SERPINB8: variants seen among roughly 807,000 people sequenced by gnomAD.
SERPINB8 encodes serpin family B member 8.
SERPINB8 carries 25 observed loss-of-function variants against 35.3 expected under a neutral mutation model. That is an observed-to-expected ratio of 0.71 (90% CI 0.52 to 0.99). The LOEUF is 0.99. Ranked by LOEUF, SERPINB8 falls within the 50% of genes least tolerant of loss-of-function variation. SERPINB8 has a pLI of 0.00. For synonymous variants in SERPINB8, 186 were observed against 160.8 expected (o/e 1.16, Z -1.19); for missense variants, 484 against 446.5 (o/e 1.08, Z -0.76).
chr18:64,005,989 T>A (rs960479752), downstream of SERPINB8, among the ~76,000 whole-genome samples: 4 of 152,206 alleles, frequency 2.6e-5, no homozygotes, highest in African/African-American at 9.6e-5. Context: ...AGATGCTATC[T>A]TCCTTGATGA....
At chr18:64,010,041 A>G (rs145222897), downstream of SERPINB8, among the ~76,000 whole-genome samples, 1 of 152,276 alleles carries the variant, frequency 6.6e-6, no homozygotes, top group African/African-American at 2.4e-5. Flanking sequence ...AACCATAAAA[A>G]GATAATTATC....
intron 4 of SERPINB8, among the ~76,000 whole-genome samples, chr18:63,982,767 T>C (rs2050692486): frequency 6.6e-6 from 1 of 152,154 alleles, no homozygotes; most frequent in African/African-American, 2.4e-5. Flanking sequence ...GTCACTGCTC[T>C]TCCAGGGCTG....
downstream of SERPINB8, among the ~76,000 whole-genome samples, chr18:63,991,323 AT>A (rs1347934585): frequency 6.6e-6 from 1 of 152,246 alleles, no homozygotes; most frequent in Non-Finnish European, 1.5e-5. Flanking sequence ...CATACTAGCA[AT>A]ATTGAGTCTT....
chr18:64,010,437 A>T (rs1241746876), downstream of SERPINB8, among the ~76,000 whole-genome samples: 1 of 152,184 alleles, frequency 6.6e-6, no homozygotes, highest in African/African-American at 2.4e-5. Context: ...ATGCAAAATC[A>T]TACTCATAGC....
At chr18:63,971,625 C>T (rs1269570008) in intron 1 of SERPINB8, among the ~76,000 whole-genome samples, 2 of 152,264 alleles carry the variant, frequency 1.3e-5, no homozygotes, top group East Asian at 3.8e-4. Context: ...TGCAGACAAT[C>T]CCTCTGCTTT....
Position 63,981,876 on chromosome 18 carries a change from T to C in SERPINB8, c.424+38T>C, listed in dbSNP as rs763031274. 3.9e-5 allele frequency: 56 copies of C among 1,434,720 alleles called. No homozygotes were observed. The East Asian group carries it at 5.7e-4, about 15-fold the overall frequency. 88.9% of individuals were successfully genotyped at this position (1,434,720 alleles called of 1,614,324 possible). A position where few individuals can be genotyped will look rare whatever the true frequency, so the allele number is the denominator to read the frequency against. ...CATTTCTGTTGATTTGGAATTACTA[T>C]ACAACGAGGCTTAGATTGACTGGGA... On this transcript the variant is annotated intron_variant, in intron 4 of 6. Coordinates refer to ENST00000397985, the MANE Select transcript of SERPINB8 (RefSeq NM_002640.4).
At chr18:63,979,999 C>T in intron 3 of SERPINB8, 61 bp downstream of exon 3, 1 of 1,533,582 alleles carries the variant, frequency 6.5e-7, no homozygotes, top group Non-Finnish European at 9.0e-7. Flanking sequence ...TACAGAAGAG[C>T]AGATAATAAA....
At chr18:64,003,620 A>C (rs1329168851) in intron 1 of SERPINB8, among the ~76,000 whole-genome samples, 1 of 151,906 alleles carries the variant, frequency 6.6e-6, no homozygotes, top group Non-Finnish European at 1.5e-5. Context: ...GATCTGCAGT[A>C]AGCAAGCTGG....
chr18:63,985,266 C>T, intron 6 of SERPINB8, 21 bp downstream of exon 6: 1 of 1,613,444 alleles, frequency 6.2e-7, no homozygotes, highest in Non-Finnish European at 8.5e-7. Context: ...GGCAATGAGC[C>T]TGAGTATCTG....
intron 1 of SERPINB8, among the ~76,000 whole-genome samples, chr18:63,999,199 T>G (rs891763610): frequency 6.6e-6 from 1 of 152,198 alleles, no homozygotes; most frequent in African/African-American, 2.4e-5. Flanking sequence ...TAGGCCTGAC[T>G]CAGGCAGCTG....
exon 8 of SERPINB8, chr18:64,018,927 T>G (rs1384033132): frequency 6.6e-6 from 1 of 152,030 alleles, no homozygotes; most frequent in Non-Finnish European, 1.5e-5. Context: ...GATTCTAACC[T>G]CCATTTATGA....
At chr18:64,018,304 C>T (rs2050959822) in intron 7 of SERPINB8, among the ~76,000 whole-genome samples, 1 of 152,126 alleles carries the variant, frequency 6.6e-6, no homozygotes, top group Non-Finnish European at 1.5e-5. Context: ...TAAAAAGCCT[C>T]AGTTATTGCA....
chr18:63,979,960 A>T lies in SERPINB8; in HGVS notation c.306+22A>T, dbSNP rs773686183. 13 of 1,611,636 alleles carry T rather than the reference A, an allele frequency of 8.1e-6. No homozygotes were observed. In the South Asian group the frequency reaches 1.1e-4, roughly 14 times the overall value. On this transcript the variant is annotated intron_variant, in intron 3 of 6. Coordinates refer to ENST00000397985, the MANE Select transcript of SERPINB8 (RefSeq NM_002640.4). ...TCCAGTAAGTAGTATTCACATATTG[A>T]TGACAAAGAAATTGAAAGTAAGTTA...
At chr18:63,972,014 T>C (rs923136858) in intron 1 of SERPINB8, among the ~76,000 whole-genome samples, 7 of 151,848 alleles carry the variant, frequency 4.6e-5, no homozygotes, top group Admixed American at 6.6e-5. Flanking sequence ...TTTTTTGATA[T>C]GTGGTTTTAA....
At chr18:63,994,809 A>T (rs1331869816) in intron 1 of SERPINB8, among the ~76,000 whole-genome samples, 1 of 152,122 alleles carries the variant, frequency 6.6e-6, no homozygotes, top group Admixed American at 6.5e-5. Context: ...AGATTTCAAG[A>T]ATTTTTATGC....
chr18:63,970,674 T>G (rs1213818048), intron 1 of SERPINB8: 1 of 152,404 alleles, frequency 6.6e-6, no homozygotes, highest in Non-Finnish European at 1.5e-5. Flanking sequence ...GCCTGGAATT[T>G]CCGTGGCGCC....
chr18:64,001,999 G>A (rs905988323), intron 1 of SERPINB8, among the ~76,000 whole-genome samples: 1 of 152,142 alleles, frequency 6.6e-6, no homozygotes, highest in East Asian at 1.9e-4. Flanking sequence ...GAGGCCCCTT[G>A]TGACCAACCT....
chr18:63,991,256 T>C (rs2050823659), downstream of SERPINB8, among the ~76,000 whole-genome samples: 1 of 152,250 alleles, frequency 6.6e-6, no homozygotes, highest in Admixed American at 6.5e-5. Context: ...GTACAAAGCC[T>C]GCTGCAATTT....
intron 5 of SERPINB8, 110 bp downstream of exon 5, chr18:63,983,831 T>C (rs974727730): frequency 2.5e-6 from 2 of 791,620 alleles, no homozygotes; most frequent in Non-Finnish European, 4.0e-6. Flanking sequence ...TTTTAATCTA[T>C]TTCTGAATTA....
Sources: gnomAD v4.1 joint callset for allele counts (sites outside exome capture counted in the v4.1 genomes callset) on GRCh38, gnomAD v4.1.1 for gene constraint, MANE v1.5 for transcripts, NCBI Gene and HGNC (gene_info 2026-07-23, HGNC 2026-07-21) for gene names.